Variants in PUDP observed in about 807,000 individuals in gnomAD.
PUDP encodes the protein pseudouridine 5'-phosphatase.
PUDP carries 8 observed loss-of-function variants against 9.4 expected under a neutral mutation model. The ratio of observed to expected loss-of-function variants is 0.85; its 90% CI spans 0.50 to 1.53. The LOEUF is 1.53. Among genes scored for constraint, PUDP ranks in the 40% most tolerant of loss-of-function variants. PUDP has a pLI of 0.00. For missense variants in PUDP, 188 were observed against 189.7 expected, an observed-to-expected ratio of 0.99 and a Z score of 0.05; for synonymous variants, 99 against 80.7, an observed-to-expected ratio of 1.23 and a Z score of -1.22.
chrX:7,115,317 ATTACATATGAAAT>A (rs1569164012), intron 1 of PUDP, among the ~76,000 whole-genome samples: 1 of 112,674 alleles, frequency 8.9e-6, no homozygotes, highest in Non-Finnish European at 1.9e-5. Context: ...GGCTGGAATC[ATTACATATGAAAT>A]CACAGTTGTC....
In PUDP at chrX:6,880,923, G is replaced by A. The variant is rs755353985; in HGVS notation, c.*247+96210C>T. Among the ~76,000 whole-genome samples the A allele has an allele frequency of 5.3e-5, 6 of 112,652 alleles. No homozygotes were observed. In the Admixed American group the frequency reaches 5.7e-4, roughly 11 times the overall value. On this transcript the variant is annotated intron_variant and NMD_transcript_variant, in intron 3 of 3. Transcript: ENST00000655425. ...GAAGTTTTGTGCACATACCTGTGAA[G>A]AGCATGTACTCTTCTCTCATGAATC...
At chrX:7,048,163 A>G (rs1386584622), downstream of PUDP, among the ~76,000 whole-genome samples, 3 of 112,301 alleles carry the variant, frequency 2.7e-5, no homozygotes, top group Non-Finnish European at 3.8e-5. Context: ...AATTAAGATG[A>G]CGTTGATAGC....
intron 3 of PUDP, among the ~76,000 whole-genome samples, chrX:6,809,870 A>C (rs150622198): frequency 4.5e-5 from 5 of 111,086 alleles, no homozygotes; most frequent in African/African-American, 1.3e-4. Context: ...TTAAGAGGAC[A>C]TCAGAGCCTG....
intron 3 of PUDP, among the ~76,000 whole-genome samples, chrX:6,916,191 TAC>T (rs747162229): frequency 0.058 from 4,022 of 69,669 alleles, 123 homozygotes; most frequent in East Asian, 0.14. Flanking sequence ...ATGCTTTTTC[TAC>T]ACACACACAC....
At chrX:6,932,645 C>T (rs1383844695) in intron 3 of PUDP, among the ~76,000 whole-genome samples, 4 of 111,469 alleles carry the variant, frequency 3.6e-5, no homozygotes, top group South Asian at 7.6e-4. Context: ...GCGCACCGTG[C>T]GCGAGCCGAA....
chrX:6,857,801 C>T lies in PUDP; in HGVS notation c.*247+119332G>A, dbSNP rs1030702495. Among the ~76,000 whole-genome samples the T allele has an allele frequency of 1.2e-4, 13 of 111,716 alleles. No individual in the cohort carries two copies. In the South Asian group the frequency reaches 4.9e-3, roughly 42 times the overall value. ...TGGTCTTCTATGCCCTCCTACAGAA[C>T]CTTGGCTGCCATATGTTGAACACTC... On this transcript the variant is annotated intron_variant and NMD_transcript_variant, in intron 3 of 3. Transcript: ENST00000655425.
At chrX:6,722,222 G>C (rs1036306208), upstream of PUDP, among the ~76,000 whole-genome samples, 1 of 111,160 alleles carries the variant, frequency 9.0e-6, no homozygotes, top group Admixed American at 9.6e-5. Context: ...AAGGCGGGTG[G>C]ACCACTTGAG....
intron 1 of PUDP, among the ~76,000 whole-genome samples, chrX:7,138,258 G>C (rs1312075513): frequency 8.9e-6 from 1 of 111,802 alleles, no homozygotes; most frequent in Non-Finnish European, 1.9e-5. Flanking sequence ...GGAAAACCCA[G>C]GATGTGTGCT....
intron 3 of PUDP, among the ~76,000 whole-genome samples, chrX:7,054,086 G>C (rs1408794228): frequency 8.9e-6 from 1 of 111,993 alleles, no homozygotes; most frequent in Non-Finnish European, 1.9e-5. Context: ...GAAAAGTCAA[G>C]GTTGGTAACT....
chrX:7,134,336 T>TG (rs1210517345), intron 1 of PUDP, among the ~76,000 whole-genome samples: 1 of 112,010 alleles, frequency 8.9e-6, no homozygotes, highest in African/African-American at 3.2e-5. Flanking sequence ...GGCAAAACTA[T>TG]GAACAAATGG....
chrX:7,082,714 C>T (rs1303228756), intron 2 of PUDP, among the ~76,000 whole-genome samples: 2 of 112,457 alleles, frequency 1.8e-5, no homozygotes, highest in African/African-American at 6.5e-5. Context: ...TCTGCTGAGC[C>T]TCCACTTCCT....
Position 6,759,871 on chromosome X carries a change from G to A in PUDP, c.*248-53405C>T, listed in dbSNP as rs748647642. On this transcript the variant is annotated intron_variant and NMD_transcript_variant, in intron 3 of 3. Coordinates refer to the PUDP transcript ENST00000655425. The stretch of plus-strand genomic sequence containing the variant: ...GTGGCATTGTGGACGCTTCTCATTC[G>A]CCATAGCAACATGGAGCAGTGCTCG... Among the ~76,000 whole-genome samples the A allele has an allele frequency of 5.6e-5, 5 of 90,034 alleles. No individual in the cohort carries two copies. The South Asian group carries it at 3.4e-3, about 61-fold the overall frequency. 78.2% of individuals were successfully genotyped at this position (90,034 alleles called of 115,157 possible). A position where few individuals can be genotyped will look rare whatever the true frequency, so the allele number is the denominator to read the frequency against.
intron 1 of PUDP, among the ~76,000 whole-genome samples, chrX:7,139,686 T>C (rs886365558): frequency 7.1e-5 from 8 of 111,962 alleles, no homozygotes; most frequent in Admixed American, 5.7e-4. Flanking sequence ...AGAGCAAACT[T>C]TGGTTTGCTC....
chrX:7,002,822 C>T (rs1411166285), intron 1 of PUDP, among the ~76,000 whole-genome samples: 2 of 109,935 alleles, frequency 1.8e-5, no homozygotes, highest in African/African-American at 6.7e-5. Context: ...ATTCTGGGAA[C>T]AGGACAGAAC....
intron 3 of PUDP, among the ~76,000 whole-genome samples, chrX:7,072,461 A>G (rs1256453386): frequency 2.7e-5 from 3 of 111,883 alleles, no homozygotes; most frequent in Non-Finnish European, 3.8e-5. Flanking sequence ...AGCTCCTAAA[A>G]CAACACTAAC....
chrX:6,779,112 G>C (rs749239571), intron 3 of PUDP, among the ~76,000 whole-genome samples: 1 of 112,148 alleles, frequency 8.9e-6, no homozygotes, highest in Non-Finnish European at 1.9e-5. Flanking sequence ...AGAAAGCAAA[G>C]AGCAGGGGGA....
chrX:6,869,766 A>G (rs776223473), intron 3 of PUDP, among the ~76,000 whole-genome samples: 6 of 111,399 alleles, frequency 5.4e-5, no homozygotes, highest in Non-Finnish European at 1.1e-4. Context: ...AGGTAACAAA[A>G]GCTGCTGAGA....
chrX:7,137,319 G>C (rs182534744), intron 1 of PUDP, among the ~76,000 whole-genome samples: 106 of 107,060 alleles, frequency 9.9e-4, no homozygotes, highest in Non-Finnish European at 1.7e-3. Context: ...GAGGCAGATG[G>C]ATCATGAGGT....
chrX:7,106,427 CAT>C (rs767340001), intron 1 of PUDP, among the ~76,000 whole-genome samples: 3 of 112,499 alleles, frequency 2.7e-5, no homozygotes, highest in Non-Finnish European at 5.6e-5. Flanking sequence ...GCCTCAGAAA[CAT>C]AGTGAGCCTG....
Sources: allele counts gnomAD v4.1 joint callset (sites outside exome capture counted in the v4.1 genomes callset), GRCh38; gene constraint gnomAD v4.1.1; transcripts MANE v1.5; gene names NCBI Gene and HGNC (gene_info 2026-07-23, HGNC 2026-07-21).